The following CACNA2D3 variants were observed in gnomAD, a reference collection of about 807,000 sequenced individuals.
CACNA2D3 encodes the protein calcium voltage-gated channel auxiliary subunit alpha2delta 3, also known as voltage-dependent calcium channel subunit alpha-2/delta-3.
In CACNA2D3, 60 loss-of-function variants were observed where a neutral mutation model predicts 160.6. The ratio of observed to expected loss-of-function variants is 0.37; its 90% CI spans 0.30 to 0.46. The LOEUF is 0.46. Ranked by LOEUF, CACNA2D3 falls within the 20% of genes least tolerant of loss-of-function variation. The probability of loss-of-function intolerance (pLI) is 1.00; values close to 1 mark genes in which losing one functional copy is unlikely to be tolerated. For synonymous variants in CACNA2D3, 558 were observed against 492.9 expected (o/e 1.13, Z -1.75); for missense variants, 1,205 against 1,365.0 (o/e 0.88, Z 1.85).
At chr3:54,859,300 C>T (rs1371662992) in intron 17 of CACNA2D3, among the ~76,000 whole-genome samples, 22 of 152,200 alleles carry the variant, frequency 1.4e-4, no homozygotes, top group Non-Finnish European at 1.0e-4. Context: ...CTGCACTGAG[C>T]ATTGTACTTC....
chr3:54,232,608 C>T (rs1290969162), intron 2 of CACNA2D3, among the ~76,000 whole-genome samples: 1 of 152,112 alleles, frequency 6.6e-6, no homozygotes, highest in African/African-American at 2.4e-5. Context: ...TGAACACATT[C>T]CCCAACTCCA....
At chr3:54,506,692 T>C (rs74484776) in intron 5 of CACNA2D3, among the ~76,000 whole-genome samples, 1 of 152,194 alleles carries the variant, frequency 6.6e-6, no homozygotes, top group Non-Finnish European at 1.5e-5. Context: ...GGCCCTCAGG[T>C]TGCCTGATGC....
At chr3:54,599,970 C>G (rs1481640933) in intron 9 of CACNA2D3, among the ~76,000 whole-genome samples, 1 of 152,172 alleles carries the variant, frequency 6.6e-6, no homozygotes, top group Non-Finnish European at 1.5e-5. Context: ...TTGTGCTGGC[C>G]AAGGGACCTG....
intron 2 of CACNA2D3, among the ~76,000 whole-genome samples, chr3:54,157,510 G>T (rs1008884461): frequency 6.6e-6 from 1 of 152,162 alleles, no homozygotes; most frequent in Non-Finnish European, 1.5e-5. Context: ...AGAAACGGGG[G>T]CCAGGCACGG....
At chr3:54,700,618 G>T (rs1700750603) in intron 11 of CACNA2D3, among the ~76,000 whole-genome samples, 1 of 152,284 alleles carries the variant, frequency 6.6e-6, no homozygotes, top group East Asian at 1.9e-4. Context: ...TTTTTAATAT[G>T]TATGGTTATA....
chr3:54,361,120 A>G (rs1698734550), intron 3 of CACNA2D3, among the ~76,000 whole-genome samples: 1 of 152,026 alleles, frequency 6.6e-6, no homozygotes, highest in African/African-American at 2.4e-5. Flanking sequence ...TAGCTGTGAA[A>G]CATGCCAGTG....
At position 54,635,641 on chromosome 3, in the gene CACNA2D3, T is replaced by C. The variant is rs1250726857; in HGVS notation, c.1054-6487T>C. Among the ~76,000 whole-genome samples the C allele has an allele frequency of 2.0e-5, 3 of 151,994 alleles. No individual in the cohort carries two copies. The South Asian group carries it at 6.2e-4, about 32-fold the overall frequency. Reference sequence around the variant, plus strand: ...AGGCCTGAATTCTGAGAAGGGAAAGTGATAAAAGTATTGTCCAGTCCTTTT... The same window carrying C: ...AGGCCTGAATTCTGAGAAGGGAAAGCGATAAAAGTATTGTCCAGTCCTTTT... On this transcript the variant is annotated intron_variant, in intron 10 of 37. Transcript: ENST00000474759.
intron 5 of CACNA2D3, among the ~76,000 whole-genome samples, chr3:54,515,460 G>A (rs1289292022): frequency 6.6e-6 from 1 of 152,152 alleles, no homozygotes; most frequent in Non-Finnish European, 1.5e-5. Flanking sequence ...AAGGAAATAC[G>A]CCTGCATGTA....
chr3:54,659,035 T>C (rs1699923296), intron 11 of CACNA2D3, among the ~76,000 whole-genome samples: 2 of 152,110 alleles, frequency 1.3e-5, no homozygotes, highest in South Asian at 2.1e-4. Context: ...CTTCATGTCT[T>C]TTGCTTAGGT....
intron 5 of CACNA2D3, among the ~76,000 whole-genome samples, chr3:54,516,042 A>G (rs1206694268): frequency 6.6e-6 from 1 of 152,186 alleles, no homozygotes; most frequent in African/African-American, 2.4e-5. Flanking sequence ...CACATCCTGG[A>G]GCCTGACATG....
At chr3:54,217,255 G>T (rs1009965959) in intron 2 of CACNA2D3, among the ~76,000 whole-genome samples, 2 of 152,114 alleles carry the variant, frequency 1.3e-5, no homozygotes, top group Non-Finnish European at 2.9e-5. Context: ...CTGGGCCCAG[G>T]GGGGCTGGCT....
chr3:54,386,241 G>A (rs1699183931), intron 3 of CACNA2D3, among the ~76,000 whole-genome samples: 3 of 152,144 alleles, frequency 2.0e-5, no homozygotes, highest in Admixed American at 6.6e-5. Flanking sequence ...TATTAGAACT[G>A]GGTACAGAAA....
chr3:54,498,255 T>C (rs1327106921), intron 4 of CACNA2D3, among the ~76,000 whole-genome samples: 1 of 151,772 alleles, frequency 6.6e-6, no homozygotes, highest in African/African-American at 2.4e-5. Context: ...GTGAAATCAA[T>C]ATCTTTTGTA....
chr3:54,991,016 C>T (rs953252274), intron 31 of CACNA2D3, among the ~76,000 whole-genome samples: 2 of 152,064 alleles, frequency 1.3e-5, no homozygotes, highest in African/African-American at 4.8e-5. Context: ...ACTCACAGAC[C>T]AATAGGTTCA....
chr3:54,327,795 T>G (rs1704149015), intron 3 of CACNA2D3, among the ~76,000 whole-genome samples: 1 of 151,588 alleles, frequency 6.6e-6, no homozygotes, highest in Admixed American at 6.6e-5. Context: ...TCCTTACAGG[T>G]TTTTTTTTCT....
At chr3:54,721,840 A>T (rs1372608618) in intron 11 of CACNA2D3, among the ~76,000 whole-genome samples, 1 of 151,996 alleles carries the variant, frequency 6.6e-6, no homozygotes, top group Non-Finnish European at 1.5e-5. Flanking sequence ...GGCTGCCTTA[A>T]CATTTTTTCC....
intron 14 of CACNA2D3, among the ~76,000 whole-genome samples, chr3:54,827,337 A>G (rs974856975): frequency 2.6e-5 from 4 of 152,278 alleles, no homozygotes; most frequent in African/African-American, 9.6e-5. Context: ...AGTACAAATG[A>G]TATTTGGCAA....
intron 2 of CACNA2D3, among the ~76,000 whole-genome samples, chr3:54,284,361 T>C (rs1257250352): frequency 6.6e-6 from 1 of 151,628 alleles, no homozygotes; most frequent in Non-Finnish European, 1.5e-5. Context: ...TATAGTTTTA[T>C]AGGTTAGTTT....
intron 4 of CACNA2D3, among the ~76,000 whole-genome samples, chr3:54,462,661 A>G (rs1450958057): frequency 2.0e-5 from 3 of 152,134 alleles, no homozygotes; most frequent in Non-Finnish European, 1.5e-5. Flanking sequence ...TTTTGAACCC[A>G]TGTGTGTCTC....
Sources: allele counts gnomAD v4.1 joint callset (sites outside exome capture counted in the v4.1 genomes callset), GRCh38; gene constraint gnomAD v4.1.1; transcripts MANE v1.5; gene names NCBI Gene and HGNC (gene_info 2026-07-23, HGNC 2026-07-21).